BTAF1: variants seen among roughly 807,000 people sequenced by gnomAD.
The protein encoded by BTAF1 is TATA-binding protein-associated factor 172.
In BTAF1, 38 loss-of-function variants were observed where a neutral mutation model predicts 227.1. That is an observed-to-expected ratio of 0.17 (90% CI 0.13 to 0.22). The LOEUF (loss-of-function observed/expected upper bound fraction) is 0.22, where lower values mean the gene tolerates loss of function less well. BTAF1 is among the 10% of genes least tolerant of loss of function. The pLI is 1.00. For missense variants in BTAF1, 1,598 were observed against 2,204.0 expected (o/e 0.73, Z 5.51); for synonymous variants, 742 against 751.9 (o/e 0.99, Z 0.21).
intron 21 of BTAF1, among the ~76,000 whole-genome samples, chr10:91,993,185 C>T (rs1314023190): frequency 6.6e-6 from 1 of 152,064 alleles, no homozygotes; most frequent in Non-Finnish European, 1.5e-5. Flanking sequence ...ATAGTTATTC[C>T]TCCAATTAAA....
chr10:92,009,337 A>G, intron 28 of BTAF1, 129 bp downstream of exon 28: 5 of 950,638 alleles, frequency 5.3e-6, no homozygotes, highest in Non-Finnish European at 7.7e-6. Context: ...TCACTTATGA[A>G]AAGTGAATGT....
intron 8 of BTAF1, among the ~76,000 whole-genome samples, chr10:91,958,347 C>A (rs932062984): frequency 6.6e-6 from 1 of 152,124 alleles, no homozygotes; most frequent in Non-Finnish European, 1.5e-5. Context: ...TGAGCCACCT[C>A]GCCCAGCCTG....
chr10:91,949,601 C>G (rs905675401), intron 4 of BTAF1, among the ~76,000 whole-genome samples: 1 of 152,058 alleles, frequency 6.6e-6, no homozygotes, highest in African/African-American at 2.4e-5. Flanking sequence ...TGGACAATAG[C>G]TCAAATCTCA....
chr10:91,955,216 A>G (rs1033476453), intron 6 of BTAF1, among the ~76,000 whole-genome samples: 6 of 152,240 alleles, frequency 3.9e-5, no homozygotes, highest in Non-Finnish European at 5.9e-5. Context: ...TATTCATACA[A>G]GCACTTTTAG....
intron 4 of BTAF1, among the ~76,000 whole-genome samples, chr10:91,948,966 T>C (rs1297372818): frequency 6.6e-6 from 1 of 152,128 alleles, no homozygotes; most frequent in Non-Finnish European, 1.5e-5. Flanking sequence ...TTTCATTCAT[T>C]GTGACAGTAT....
intron 35 of BTAF1, among the ~76,000 whole-genome samples, 153 bp downstream of exon 35, chr10:92,025,120 AC>A (rs1186079812): frequency 2.0e-5 from 3 of 152,146 alleles, no homozygotes; most frequent in Non-Finnish European, 4.4e-5. Flanking sequence ...TAACTATAGA[AC>A]TACATAAATA....
At chr10:91,992,376 A>G (rs113302162) in intron 21 of BTAF1, 67 bp downstream of exon 21, 163 of 1,388,536 alleles carry the variant, frequency 1.2e-4, no homozygotes, top group South Asian at 4.7e-4. Context: ...CAAATTGAGA[A>G]CTAAGTTGTA....
intron 24 of BTAF1, 105 bp from the exon 25 acceptor site, chr10:91,997,498 T>A: frequency 1.0e-6 from 1 of 973,436 alleles, no homozygotes; most frequent in Non-Finnish European, 1.5e-6. Flanking sequence ...ATAATACAGA[T>A]GAGAAAATGG....
chr10:91,968,194 C>T (rs913737249), intron 14 of BTAF1, among the ~76,000 whole-genome samples: 3 of 152,108 alleles, frequency 2.0e-5, no homozygotes, highest in Non-Finnish European at 4.4e-5. Context: ...CTGTGTTCCA[C>T]CTATTCATCC....
chr10:91,925,516 C>CTTTTTTTTT lies in BTAF1; in HGVS notation c.14+1431_14+1439dup, dbSNP rs6144026. 4.9e-4 allele frequency among the ~76,000 whole-genome samples: 56 copies of CTTTTTTTTT among 114,598 alleles called. 6 individuals are homozygous for CTTTTTTTTT. Among genetic ancestry groups the CTTTTTTTTT allele is most frequent in the Admixed American group, 1.3e-3 (12 of 9,526 alleles). The allele number at this position is 114,598 out of a possible 152,430, so 75.2% of individuals were successfully genotyped here. A position where few individuals can be genotyped will look rare whatever the true frequency, so the allele number is the denominator to read the frequency against. ...CCTAATTTTCGGGCAACGCTAATCT[C>CTTTTTTTTT]TTTTTTTTTTTTTGAGAAGGAATCT... On this transcript the variant is annotated intron_variant, in intron 1 of 37. Coordinates refer to ENST00000265990, the MANE Select transcript of BTAF1 (RefSeq NM_003972.3).
chr10:92,018,783 G>A lies in BTAF1; in HGVS notation c.4711G>A (p.Ala1571Thr), dbSNP rs763726970. 6.5e-7 allele frequency: 1 copy of A among 1,530,068 alleles called. No individual in the cohort carries two copies. Among genetic ancestry groups the A allele is most frequent in the Admixed American group, 2.3e-5 (1 of 43,662 alleles). The allele number at this position is 1,530,068 out of a possible 1,614,324, so 94.8% of individuals were successfully genotyped here. A position where few individuals can be genotyped will look rare whatever the true frequency, so the allele number is the denominator to read the frequency against. Residue 1571 changes from alanine (A) to threonine (T), a missense_variant and splice_region_variant, in exon 34 of 38, where the codon GCA (alanine) becomes ACA (threonine). By Grantham distance (58) the Ala-to-Thr change is moderately conservative (BLOSUM62 0). Coordinates refer to ENST00000265990, the MANE Select transcript of BTAF1 (RefSeq NM_003972.3). The part of the protein sequence containing the change: ...KLKATGHVFQ[A>T]LQYLRKLCNH... Reference sequence around the variant, plus strand: ...ATATACTTTTTTTTTCCTCTTGAAGGCATTACAGTACTTACGTAAACTGTG... The same window carrying A: ...ATATACTTTTTTTTTCCTCTTGAAGACATTACAGTACTTACGTAAACTGTG...
intron 6 of BTAF1, among the ~76,000 whole-genome samples, chr10:91,955,133 A>C (rs897433689): frequency 2.6e-5 from 4 of 152,248 alleles, no homozygotes; most frequent in Admixed American, 1.3e-4. Context: ...CAGCTTGTTA[A>C]TGACAAGATT....
chr10:91,985,807 GTTGT>G (rs1848358146), intron 19 of BTAF1, among the ~76,000 whole-genome samples: 1 of 151,084 alleles, frequency 6.6e-6, no homozygotes, highest in African/African-American at 2.5e-5. Context: ...TTTGAATTAG[GTTGT>G]TTGTTTGTTA....
At chr10:91,960,732 A>G (rs558725192) in intron 11 of BTAF1, among the ~76,000 whole-genome samples, 4 of 152,220 alleles carry the variant, frequency 2.6e-5, no homozygotes, top group Non-Finnish European at 5.9e-5. Flanking sequence ...AGTTAGTACT[A>G]GAACTAGAAA....
intron 28 of BTAF1, among the ~76,000 whole-genome samples, chr10:92,010,186 C>T (rs1446517975): frequency 6.6e-6 from 1 of 152,070 alleles, no homozygotes; most frequent in East Asian, 1.9e-4. Context: ...AATAAGGAGT[C>T]TAAGGCATGG....
At chr10:91,928,160 A>G (rs1844000009) in intron 1 of BTAF1, among the ~76,000 whole-genome samples, 1 of 152,118 alleles carries the variant, frequency 6.6e-6, no homozygotes, top group Non-Finnish European at 1.5e-5. Flanking sequence ...TAGCATGGCC[A>G]TTTATAATGC....
At chr10:91,992,789 T>C (rs1305548989) in intron 21 of BTAF1, among the ~76,000 whole-genome samples, 1 of 152,212 alleles carries the variant, frequency 6.6e-6, no homozygotes, top group Non-Finnish European at 1.5e-5. Context: ...TGTTAATGGC[T>C]TCATATGTGT....
intron 25 of BTAF1, among the ~76,000 whole-genome samples, chr10:92,006,197 A>G (rs754967384): frequency 1.1e-4 from 16 of 152,152 alleles, no homozygotes; most frequent in Non-Finnish European, 1.5e-4. Flanking sequence ...CTGTTGCAAT[A>G]TGTTGTTTTG....
At chr10:91,947,549 A>G (rs908756274) in intron 4 of BTAF1, among the ~76,000 whole-genome samples, 4 of 152,128 alleles carry the variant, frequency 2.6e-5, no homozygotes, top group Admixed American at 6.5e-5. Flanking sequence ...AGGACTCTTA[A>G]TTCTATTCCA....
Sources: gnomAD v4.1 joint callset for allele counts (sites outside exome capture counted in the v4.1 genomes callset) on GRCh38, gnomAD v4.1.1 for gene constraint, MANE v1.5 for transcripts, NCBI Gene and HGNC (gene_info 2026-07-23, HGNC 2026-07-21) for gene names.